The following LONP1 variants were observed in gnomAD, a reference collection of about 807,000 sequenced individuals.
LONP1 encodes the protein lon peptidase 1, mitochondrial, also known as lon protease homolog, mitochondrial.
In LONP1, 31 loss-of-function variants were observed where a neutral mutation model predicts 98.5. The ratio of observed to expected loss-of-function variants is 0.31; its 90% CI spans 0.24 to 0.42. The LOEUF (loss-of-function observed/expected upper bound fraction) is 0.42. Ranked by LOEUF, LONP1 falls within the 20% of genes least tolerant of loss-of-function variation. LONP1 has a pLI of 1.00. For missense variants in LONP1, 1,336 were observed against 1,350.6 expected (o/e 0.99, Z 0.17); for synonymous variants, 781 against 594.7 (o/e 1.31, Z -4.56).
At chr19:5,701,184 G>A (rs1000872736) in intron 8 of LONP1, among the ~76,000 whole-genome samples, 2 of 152,298 alleles carry the variant, frequency 1.3e-5, no homozygotes, top group Middle Eastern at 3.4e-3. Flanking sequence ...AGTGGCTCAC[G>A]CCTGTAATCC....
chr19:5,718,375 G>C (rs568955502), intron 1 of LONP1, among the ~76,000 whole-genome samples: 2 of 151,936 alleles, frequency 1.3e-5, no homozygotes, highest in South Asian at 4.2e-4. Flanking sequence ...CTACTCAGGG[G>C]GCTGAGGCAG....
intron 1 of LONP1, among the ~76,000 whole-genome samples, chr19:5,716,132 G>A (rs548539883): frequency 1.3e-5 from 2 of 151,310 alleles, no homozygotes; most frequent in South Asian, 2.1e-4. Context: ...AGCACTTTGC[G>A]GGGCTGAGGT....
At chr19:5,707,190 G>T in intron 6 of LONP1, 47 bp from the exon 7 acceptor site, 1 of 1,534,116 alleles carries the variant, frequency 6.5e-7, no homozygotes, top group Non-Finnish European at 9.0e-7. Flanking sequence ...GTCGGCATCT[G>T]TGTGTGTAGG....
chr19:5,712,337 C>G (rs1213382524), intron 3 of LONP1: 2 of 296,146 alleles, frequency 6.8e-6, no homozygotes, highest in Non-Finnish European at 1.3e-5. Context: ...TGGCCGGGCA[C>G]AGGCTGGTCT....
intron 8 of LONP1, among the ~76,000 whole-genome samples, chr19:5,702,214 C>T (rs2055062654): frequency 6.7e-6 from 1 of 149,144 alleles, no homozygotes; most frequent in Admixed American, 6.7e-5. Context: ...TGGGGGTCAG[C>T]CCCCCGCCCG....
chr19:5,714,727 T>C (rs1211071711), intron 1 of LONP1, among the ~76,000 whole-genome samples: 3 of 143,350 alleles, frequency 2.1e-5, no homozygotes, highest in Admixed American at 6.9e-5. Context: ...CAAGCAATTC[T>C]CTGCCTCAGC....
intron 1 of LONP1, 68 bp downstream of exon 1, chr19:5,719,636 G>A: frequency 1.9e-6 from 3 of 1,610,724 alleles, no homozygotes; most frequent in Non-Finnish European, 2.5e-6. Context: ...GCGCTCAAGT[G>A]ATCCCACGGT....
chr19:5,703,847 C>G (rs2145604293), intron 8 of LONP1, among the ~76,000 whole-genome samples: 1 of 152,282 alleles, frequency 6.6e-6, no homozygotes, highest in East Asian at 1.9e-4. Flanking sequence ...ACCCGCCTTA[C>G]AGACCCCCTC....
At position 5,695,935 on chromosome 19, in the gene LONP1, C is replaced by CCGG. The variant is rs3080507; in HGVS notation, c.2013+118_2013+119insCCG. 0.22 allele frequency: 177,446 copies of CCGG among 822,294 alleles called. 20,514 individuals are homozygous for CCGG. The highest frequency in any genetic ancestry group is 0.25 in the Middle Eastern group (714 of 2,824). 50.9% of individuals were successfully genotyped at this position (822,294 alleles called of 1,614,324 possible). ...TCTCACGGCCCCATCTGCTCCTCGGCCGCAGGTCCCACCTGTCTCTCCCGG... is the reference window on the plus strand; with the variant it reads ...TCTCACGGCCCCATCTGCTCCTCGGCCGGCGCAGGTCCCACCTGTCTCTCCCGG... On this transcript the variant is annotated intron_variant, in intron 13 of 17. Transcript: ENST00000360614.
chr19:5,708,311 C>G, intron 5 of LONP1, 31 bp downstream of exon 5: 1 of 1,607,392 alleles, frequency 6.2e-7, no homozygotes, highest in East Asian at 2.2e-5. Flanking sequence ...GAGATGCCCC[C>G]GCCTGGCCAG....
At chr19:5,718,599 GA>G (rs1212422137) in intron 1 of LONP1, among the ~76,000 whole-genome samples, 4 of 151,920 alleles carry the variant, frequency 2.6e-5, no homozygotes, top group African/African-American at 4.8e-5. Flanking sequence ...GATTTGTTTA[GA>G]AGAGTCTGGA....
chr19:5,711,135 C>T (rs186859543), intron 4 of LONP1, among the ~76,000 whole-genome samples: 2 of 152,308 alleles, frequency 1.3e-5, no homozygotes, highest in African/African-American at 4.8e-5. Flanking sequence ...CCCCTGCCAG[C>T]GCCCACAGCA....
intron 11 of LONP1, 118 bp downstream of exon 11, chr19:5,696,552 C>T (rs2145584900): frequency 1.5e-6 from 2 of 1,293,090 alleles, no homozygotes; most frequent in East Asian, 2.4e-5. Context: ...GCCATCAGGG[C>T]CAGCATCACG....
intron 7 of LONP1, among the ~76,000 whole-genome samples, chr19:5,706,553 G>C (rs2055148273): frequency 6.6e-6 from 1 of 152,116 alleles, no homozygotes; most frequent in Non-Finnish European, 1.5e-5. Flanking sequence ...GCTGTAGTGA[G>C]CTGAGATTGC....
intron 2 of LONP1, 100 bp downstream of exon 2, chr19:5,714,083 C>CGGGGTCA: frequency 1.2e-6 from 1 of 867,920 alleles, no homozygotes; most frequent in Non-Finnish European, 1.8e-6. Flanking sequence ...CTGGTTTCCT[C>CGGGGTCA]GGGGTCAGGG....
intron 10 of LONP1, among the ~76,000 whole-genome samples, chr19:5,696,965 T>TG (rs2054943047): frequency 6.6e-6 from 1 of 152,194 alleles, no homozygotes; most frequent in Non-Finnish European, 1.5e-5. Flanking sequence ...GCTCAGATTC[T>TG]GGGGTCACTG....
intron 8 of LONP1, among the ~76,000 whole-genome samples, chr19:5,703,394 G>A (rs2055091969): frequency 6.6e-6 from 1 of 152,036 alleles, no homozygotes; most frequent in African/African-American, 2.4e-5. Flanking sequence ...TGGAGGCCAG[G>A]TCCCCTGCCG....
At chr19:5,701,660 T>C (rs1216374576) in intron 8 of LONP1, among the ~76,000 whole-genome samples, 1 of 152,162 alleles carries the variant, frequency 6.6e-6, no homozygotes. Context: ...TGGAGTGCAG[T>C]GGCGTGATCT....
chr19:5,696,484 C>T, intron 11 of LONP1, 113 bp from the exon 12 acceptor site: 1 of 1,449,774 alleles, frequency 6.9e-7, no homozygotes, highest in Non-Finnish European at 9.4e-7. Context: ...GGCACCCACA[C>T]CCTGCCTTGG....
Sources: gnomAD v4.1 joint callset for allele counts (sites outside exome capture counted in the v4.1 genomes callset) on GRCh38, gnomAD v4.1.1 for gene constraint, MANE v1.5 for transcripts, NCBI Gene and HGNC (gene_info 2026-07-23, HGNC 2026-07-21) for gene names.